PHRF1: variants seen among roughly 807,000 people sequenced by gnomAD.
PHRF1 encodes the protein PHD and ring finger domains 1.
Under a neutral mutation model 128.9 loss-of-function variants are expected in PHRF1, and 53 were observed. The ratio of observed to expected loss-of-function variants is 0.41; its 90% confidence interval spans 0.33 to 0.52. The LOEUF is 0.52. PHRF1 is among the 20% of genes least tolerant of loss of function. PHRF1 has a pLI of 0.21. For synonymous variants in PHRF1, 1,178 were observed against 980.6 expected (o/e 1.20, Z -3.76); for missense variants, 2,503 against 2,284.5 (o/e 1.10, Z -1.95).
In PHRF1 at chr11:607,965, G is replaced by A. The variant is rs199793786; in HGVS notation, c.2509G>A (p.Gly837Ser). The A allele has an allele frequency of 2.2e-5, 35 of 1,611,802 alleles. No individual in the cohort carries two copies. The highest frequency in any genetic ancestry group is 2.9e-5 in the Non-Finnish European group (34 of 1,179,844). The change falls in exon 14 of 18, where the codon GGC becomes AGC. Residue 837 changes from glycine to serine, a missense_variant. By Grantham distance (56) the Gly-to-Ser change is moderately conservative (BLOSUM62 0). Transcript: ENST00000264555. The part of the protein sequence containing the change: ...SEVYDPSDPT[G>S]SDSSAPGSSP... Reference sequence around the variant, plus strand: ...GGTCTACGACCCATCCGACCCCACCGGCTCCGACTCCAGCGCCCCTGGCAG... The same window carrying A: ...GGTCTACGACCCATCCGACCCCACCAGCTCCGACTCCAGCGCCCCTGGCAG...
intron 2 of PHRF1, 97 bp from the exon 3 acceptor site, chr11:581,865 G>C: frequency 6.9e-7 from 1 of 1,449,228 alleles, no homozygotes; most frequent in Non-Finnish European, 9.1e-7. Flanking sequence ...CCGTTTGGCA[G>C]GTGCTCCTGA....
At chr11:577,821 T>C (rs1469949900) in intron 1 of PHRF1, among the ~76,000 whole-genome samples, 4 of 152,266 alleles carry the variant, frequency 2.6e-5, no homozygotes, top group Non-Finnish European at 5.9e-5. Context: ...CCAGAGGCCC[T>C]TTTCATTCCT....
chr11:579,020 A>G (rs1172018021), intron 1 of PHRF1, among the ~76,000 whole-genome samples: 1 of 152,042 alleles, frequency 6.6e-6, no homozygotes, highest in Non-Finnish European at 1.5e-5. Flanking sequence ...TTTCTATTTT[A>G]GTAGAGATGG....
chr11:578,810 C>T (rs984378311), intron 1 of PHRF1, among the ~76,000 whole-genome samples: 1 of 152,194 alleles, frequency 6.6e-6, no homozygotes, highest in African/African-American at 2.4e-5. Flanking sequence ...CTCAGCCTCC[C>T]AAAGTGCTGG....
intron 12 of PHRF1, among the ~76,000 whole-genome samples, 166 bp from the exon 13 acceptor site, chr11:606,276 G>A (rs1052019117): frequency 9.2e-5 from 14 of 152,220 alleles, no homozygotes; most frequent in Non-Finnish European, 1.6e-4. Context: ...GGGAGGCCCC[G>A]GTGAGCACCT....
Position 587,402 on chromosome 11 carries a change from G to A in PHRF1, c.358G>A (p.Val120Met), listed in dbSNP as rs751137395. 1.5e-5 allele frequency: 24 copies of A among 1,613,746 alleles called. No homozygotes were observed. The highest frequency in any genetic ancestry group is 4.4e-5 in the South Asian group (4 of 91,080). Residue 120 changes from valine (V) to methionine (M), a missense_variant, in exon 4 of 18, where the codon GTG (valine) becomes ATG (methionine). By Grantham distance (21) the Val-to-Met change is conservative. Coordinates refer to ENST00000264555, the MANE Select transcript of PHRF1 (RefSeq NM_001286581.2). ...ICLNAFRDQAVGTPENCAHYF... is the reference protein window; with the variant it reads ...ICLNAFRDQAMGTPENCAHYF... ...TCTCAACGCATTCAGAGACCAGGCC[G>A]TGGGGACGCCGGAGAACTGTGCCCA...
chr11:604,486 T>C (rs1457195714), intron 10 of PHRF1, among the ~76,000 whole-genome samples: 1 of 152,210 alleles, frequency 6.6e-6, no homozygotes, highest in Non-Finnish European at 1.5e-5. Context: ...TCTAAATTTG[T>C]GTCATCTTCT....
intron 13 of PHRF1, 127 bp downstream of exon 13, chr11:606,723 AT>A: frequency 7.7e-7 from 1 of 1,304,382 alleles, no homozygotes; most frequent in Non-Finnish European, 1.0e-6. Context: ...TTCCTCAGCC[AT>A]TTTTCTGCAT....
rs1398196971 is a variant in PHRF1, at chr11:592,634, C to T, written c.580C>T (p.Arg194Cys). Residue 194 changes from arginine to cysteine, a missense_variant, in exon 6 of 18, where the codon CGT becomes TGT. Transcript: ENST00000264555. The part of the protein sequence containing the change: ...TFCEVCGRSD[R>C]EDRLLLCDGC... Reference sequence around the variant, plus strand: ...CTGTGAGGTGTGCGGCAGGAGCGACCGTGAGGACAGGCTTTTGCTCTGCGA... The same window carrying T: ...CTGTGAGGTGTGCGGCAGGAGCGACTGTGAGGACAGGCTTTTGCTCTGCGA... 10 of 1,613,928 alleles carry T rather than the reference C, an allele frequency of 6.2e-6. No individual in the cohort carries two copies. Among genetic ancestry groups the T allele is most frequent in the Admixed American group, 3.3e-5 (2 of 60,010 alleles).
At position 609,264 on chromosome 11, in the gene PHRF1, G is replaced by A. The variant is rs372824881; in HGVS notation, c.3808G>A (p.Val1270Ile). The change falls in exon 14 of 18, where the codon GTC becomes ATC. Residue 1270 changes from valine to isoleucine, a missense_variant. Val to Ile is a conservative substitution (Grantham distance 29). Coordinates refer to ENST00000264555, the MANE Select transcript of PHRF1 (RefSeq NM_001286581.2). Reference protein sequence around the residue: ...DYGDSVEAGHVFDDFSSDAVF... With the variant: ...DYGDSVEAGHIFDDFSSDAVF... ...TGGCGACTCCGTGGAGGCCGGACAC[G>A]TCTTTGATGATTTCTCAAGCGACGC... 46 of 1,612,010 alleles carry A rather than the reference G, an allele frequency of 2.9e-5. No homozygotes were observed. Among genetic ancestry groups the A allele is most frequent in the Admixed American group, 6.7e-5 (4 of 60,014 alleles).
chr11:584,563 G>A (rs1407833386), intron 3 of PHRF1, among the ~76,000 whole-genome samples: 1 of 152,166 alleles, frequency 6.6e-6, no homozygotes, highest in African/African-American at 2.4e-5. Flanking sequence ...GGCAGGAGGA[G>A]GTGGCTGGGC....
intron 1 of PHRF1, among the ~76,000 whole-genome samples, chr11:580,697 C>T (rs1216212632): frequency 2.0e-5 from 3 of 152,154 alleles, no homozygotes; most frequent in African/African-American, 7.2e-5. Context: ...AGGAGCATTG[C>T]AGTTTTTTGA....
At chr11:578,592 G>A (rs968673730) in intron 1 of PHRF1, among the ~76,000 whole-genome samples, 3 of 152,208 alleles carry the variant, frequency 2.0e-5, no homozygotes, top group African/African-American at 7.2e-5. Flanking sequence ...CCCAATCTCA[G>A]TGCATCAAGG....
intron 1 of PHRF1, among the ~76,000 whole-genome samples, chr11:580,297 G>A (rs549946922): frequency 1.3e-5 from 2 of 152,368 alleles, no homozygotes; most frequent in Non-Finnish European, 2.9e-5. Context: ...AGGCCCTGGT[G>A]TGGAAGGAGG....
At chr11:600,363 T>C (rs1855555696) in intron 9 of PHRF1, among the ~76,000 whole-genome samples, 1 of 151,324 alleles carries the variant, frequency 6.6e-6, no homozygotes, top group African/African-American at 2.4e-5. Flanking sequence ...TTGTGGTGCC[T>C]CAGCCTCCTG....
chr11:582,457 C>T (rs917856449), intron 3 of PHRF1, among the ~76,000 whole-genome samples: 6 of 151,744 alleles, frequency 4.0e-5, no homozygotes, highest in Non-Finnish European at 8.8e-5. Flanking sequence ...TTAGTAGAGA[C>T]GGGGTTTCAC....
chr11:592,498 C>G, intron 5 of PHRF1, 61 bp from the exon 6 acceptor site: 1 of 1,518,070 alleles, frequency 6.6e-7, no homozygotes, highest in Non-Finnish European at 9.2e-7. Context: ...GCGTTTCACG[C>G]TGGGAAGTGA....
intron 3 of PHRF1, among the ~76,000 whole-genome samples, chr11:585,145 G>C (rs1180719918): frequency 1.3e-5 from 2 of 152,184 alleles, no homozygotes; most frequent in Middle Eastern, 3.2e-3. Context: ...CTGGGGCTTG[G>C]GAGCTTTCGT....
In PHRF1 at chr11:609,521, T is replaced by C. The variant is rs199793906; in HGVS notation, c.4065T>C (p.Ala1355=). 1,391 of 1,602,266 alleles carry C rather than the reference T, an allele frequency of 8.7e-4. 11 individuals carry two copies. In the African/African-American group the frequency reaches 0.017, roughly 20 times the overall value. ...HLLRPDAAEK[A]EAPSSPDVAP... Reference sequence around the variant, plus strand: ...TCAGGCCGGACGCGGCTGAGAAGGCTGAGGCACCCAGTTCCCCGGATGTGG... The same window carrying C: ...TCAGGCCGGACGCGGCTGAGAAGGCCGAGGCACCCAGTTCCCCGGATGTGG... Residue 1355 remains alanine (A), a synonymous_variant, in exon 14 of 18, where the codon GCT becomes GCC. Transcript: ENST00000264555.
Sources: gnomAD v4.1 joint callset for allele counts (sites outside exome capture counted in the v4.1 genomes callset) on GRCh38, gnomAD v4.1.1 for gene constraint, MANE v1.5 for transcripts, NCBI Gene and HGNC (gene_info 2026-07-23, HGNC 2026-07-21) for gene names.